SATL1: variants seen among roughly 807,000 people sequenced by gnomAD.
SATL1 encodes the protein spermidine/spermine N1-acetyl transferase like 1, also known as spermidine/spermine N(1)-acetyltransferase-like protein 1.
In SATL1, 47 loss-of-function variants were observed where a neutral mutation model predicts 51.8. The ratio of observed to expected loss-of-function variants is 0.91; its 90% CI spans 0.72 to 1.16. The LOEUF is 1.16. Among genes scored for constraint, SATL1 ranks in the 50% most tolerant of loss-of-function variants. The probability of loss-of-function intolerance (pLI) is 0.00; values close to 1 mark genes in which losing one functional copy is unlikely to be tolerated. For synonymous variants in SATL1, 176 were observed against 182.4 expected, an observed-to-expected ratio of 0.97 and a Z score of 0.28; for missense variants, 520 against 526.4, an observed-to-expected ratio of 0.99 and a Z score of 0.12.
intron 2 of SATL1, among the ~76,000 whole-genome samples, chrX:85,217,312 C>T (rs1460594806): frequency 9.0e-6 from 1 of 110,969 alleles, no homozygotes; most frequent in Non-Finnish European, 1.9e-5. Flanking sequence ...AATATTGGTA[C>T]AAGAGGTGGA....
At chrX:85,149,371 C>A (rs1330284741) in intron 2 of SATL1, among the ~76,000 whole-genome samples, 1 of 111,322 alleles carries the variant, frequency 9.0e-6, no homozygotes, top group Non-Finnish European at 1.9e-5. Context: ...TAATGGGAGA[C>A]TTTAACACCC....
intron 2 of SATL1, chrX:85,210,017 T>A (rs1927878173): frequency 9.0e-6 from 1 of 110,501 alleles, no homozygotes; most frequent in Non-Finnish European, 1.9e-5. Flanking sequence ...TATTTTAATG[T>A]AAACGTTAAC....
At chrX:85,129,801 A>C (rs1168258208) in intron 2 of SATL1, among the ~76,000 whole-genome samples, 4 of 111,288 alleles carry the variant, frequency 3.6e-5, no homozygotes, top group Non-Finnish European at 5.7e-5. Flanking sequence ...AATAGCTCTT[A>C]TTATTTTGAG....
At chrX:85,232,194 C>T (rs1371885413) in intron 1 of SATL1, among the ~76,000 whole-genome samples, 6 of 109,484 alleles carry the variant, frequency 5.5e-5, no homozygotes, top group Non-Finnish European at 9.5e-5. Flanking sequence ...AGAACAGAAC[C>T]CACAAGCTTA....
intron 3 of SATL1, among the ~76,000 whole-genome samples, chrX:85,104,174 A>G (rs1293905686): frequency 9.0e-6 from 1 of 111,498 alleles, no homozygotes; most frequent in African/African-American, 3.3e-5. Flanking sequence ...CAGATTAGTA[A>G]CCTTGAATGC....
chrX:85,151,455 C>A (rs1253107975), intron 2 of SATL1, among the ~76,000 whole-genome samples: 1 of 111,009 alleles, frequency 9.0e-6, no homozygotes, highest in Non-Finnish European at 1.9e-5. Context: ...TCACCGAATT[C>A]AAAAAAACTA....
chrX:85,107,244 G>T, intron 3 of SATL1, 84 bp downstream of exon 3: 1 of 784,908 alleles, frequency 1.3e-6, no homozygotes, highest in Non-Finnish European at 1.9e-6. Context: ...AGCAGAGGCA[G>T]AATTCGAACC....
intron 2 of SATL1, among the ~76,000 whole-genome samples, chrX:85,202,946 C>A (rs924016232): frequency 2.7e-5 from 3 of 111,942 alleles, no homozygotes; most frequent in Non-Finnish European, 5.7e-5. Context: ...CAGAGAGTTA[C>A]TGATTTGGTA....
At chrX:85,126,262 T>C (rs777455684) in intron 2 of SATL1, among the ~76,000 whole-genome samples, 6 of 111,629 alleles carry the variant, frequency 5.4e-5, no homozygotes, top group Non-Finnish European at 1.1e-4. Context: ...TCTCCCTAGC[T>C]TCAGCCTTTC....
At chrX:85,233,571 T>C (rs1022200288) in intron 1 of SATL1, among the ~76,000 whole-genome samples, 2 of 112,125 alleles carry the variant, frequency 1.8e-5, no homozygotes, top group South Asian at 3.7e-4. Flanking sequence ...TCCTATCAGA[T>C]AAATTTAACA....
chrX:85,176,992 C>A (rs1336929256), intron 2 of SATL1, among the ~76,000 whole-genome samples: 1 of 111,143 alleles, frequency 9.0e-6, no homozygotes, highest in Non-Finnish European at 1.9e-5. Context: ...GGTTTTCTTG[C>A]CAAAAATGAG....
At chrX:85,142,212 C>T (rs747024892) in intron 2 of SATL1, among the ~76,000 whole-genome samples, 4 of 105,669 alleles carry the variant, frequency 3.8e-5, no homozygotes, top group South Asian at 9.2e-4. Context: ...CTGGCTAACA[C>T]GATGAAACCC....
At chrX:85,114,207 C>T (rs1243504464) in intron 2 of SATL1, among the ~76,000 whole-genome samples, 1 of 111,594 alleles carries the variant, frequency 9.0e-6, no homozygotes, top group Non-Finnish European at 1.9e-5. Context: ...AGAGAGGAAC[C>T]AATATGCTCC....
At chrX:85,170,875 T>C (rs1481885112) in intron 2 of SATL1, among the ~76,000 whole-genome samples, 1 of 111,813 alleles carries the variant, frequency 8.9e-6, no homozygotes, top group African/African-American at 3.2e-5. Context: ...CATTATCTGG[T>C]ATAAGCATGG....
At chrX:85,238,902 A>G (rs1327230765) in intron 1 of SATL1, among the ~76,000 whole-genome samples, 2 of 111,038 alleles carry the variant, frequency 1.8e-5, no homozygotes, top group African/African-American at 6.5e-5. Context: ...TCAAACTCAT[A>G]GAATGAAAGA....
intron 2 of SATL1, among the ~76,000 whole-genome samples, chrX:85,135,211 G>A (rs191279621): frequency 1.4e-3 from 161 of 111,159 alleles, no homozygotes; most frequent in Admixed American, 3.5e-3. Flanking sequence ...AGGAAGAATA[G>A]CTAATGAATG....
At chrX:85,130,360 C>A (rs1333638682) in intron 2 of SATL1, among the ~76,000 whole-genome samples, 1 of 111,434 alleles carries the variant, frequency 9.0e-6, no homozygotes, top group African/African-American at 3.3e-5. Flanking sequence ...CACCTTCTTC[C>A]TGGTTTAGTC....
chrX:85,222,929 AAG>A (rs1246519888), intron 2 of SATL1, among the ~76,000 whole-genome samples: 1 of 112,071 alleles, frequency 8.9e-6, no homozygotes, highest in Non-Finnish European at 1.9e-5. Context: ...TTCTAACTAG[AAG>A]TCTCTAGTAG....
chrX:85,220,028 G>C (rs777589402), intron 2 of SATL1, among the ~76,000 whole-genome samples: 57 of 108,099 alleles, frequency 5.3e-4, no homozygotes, highest in African/African-American at 1.8e-3. Context: ...AAAACACCTT[G>C]AATCACTGAC....
Sources: gnomAD v4.1 joint callset for allele counts (sites outside exome capture counted in the v4.1 genomes callset) on GRCh38, gnomAD v4.1.1 for gene constraint, MANE v1.5 for transcripts, NCBI Gene and HGNC (gene_info 2026-07-23, HGNC 2026-07-21) for gene names.